The following RYR2 variants were observed in gnomAD, a reference collection of about 807,000 sequenced individuals.
RYR2 encodes cardiac muscle ryanodine receptor-calcium release channel.
A neutral mutation model predicts 601.1 loss-of-function variants in RYR2; 227 were observed. The ratio of observed to expected loss-of-function variants is 0.38; its 90% CI spans 0.34 to 0.42. The LOEUF (loss-of-function observed/expected upper bound fraction) is 0.42. Ranked by LOEUF, RYR2 falls within the 10% of genes least tolerant of loss-of-function variation. The pLI, the probability that RYR2 is intolerant of heterozygous loss-of-function variation, is 1.00. For missense variants in RYR2, 4,646 were observed against 6,156.5 expected (o/e 0.75, Z 8.21); for synonymous variants, 2,223 against 2,175.1 (o/e 1.02, Z -0.61).
intron 3 of RYR2, among the ~76,000 whole-genome samples, chr1:237,344,983 G>A (rs1010316228): frequency 6.6e-6 from 1 of 151,906 alleles, no homozygotes; most frequent in African/African-American, 2.4e-5. Context: ...GCTAATTTTT[G>A]TATTTTTAGT....
chr1:237,803,462 G>A (rs1464557864), intron 98 of RYR2, among the ~76,000 whole-genome samples: 8 of 151,956 alleles, frequency 5.3e-5, no homozygotes, highest in Admixed American at 1.3e-4. Flanking sequence ...CACCACGCCC[G>A]GCTAATTTTT....
intron 74 of RYR2, among the ~76,000 whole-genome samples, chr1:237,725,521 T>C (rs1690120020): frequency 6.6e-6 from 1 of 152,122 alleles, no homozygotes; most frequent in South Asian, 2.1e-4. Flanking sequence ...GTTGTATATC[T>C]GGTAAGTTTT....
chr1:237,731,352 G>A lies in RYR2; in HGVS notation c.10936-694G>A, dbSNP rs189019456. Among the ~76,000 whole-genome samples, 459 of 151,654 alleles carry A rather than the reference G, an allele frequency of 3.0e-3. 1 individual carries two copies. Among genetic ancestry groups the A allele is most frequent in the Non-Finnish European group, 4.9e-3 (333 of 67,928 alleles). ...TTTCCTCGCTATTAAAGTTCTATCC[G>A]ATAGTAAAAAAAAAATATTTTTTAA... On this transcript the variant is annotated intron_variant, in intron 77 of 104. Transcript: ENST00000366574.
Position 237,784,804 on chromosome 1 carries a change from C to T in RYR2, c.13092C>T (p.Thr4364=), listed in dbSNP as rs770232323. Residue 4364 remains threonine (T), a synonymous_variant, in exon 90 of 105, where the codon ACC becomes ACT. Coordinates refer to ENST00000366574, the MANE Select transcript of RYR2 (RefSeq NM_001035.3). The surrounding 1 kb of genome is among the most constrained non-coding windows in gnomAD (Gnocchi z 7.1). ...LEAALPSEDL[T]DLKELTEESD... ...CCGCCCTGCCCTCCGAGGATCTGAC[C>T]GACTTAAAGGAGCTGACAGAGGAAA... 3.1e-6 allele frequency: 5 copies of T among 1,611,676 alleles called. No individual in the cohort carries two copies. Among genetic ancestry groups the T allele is most frequent in the East Asian group, 4.5e-5 (2 of 44,828 alleles).
chr1:237,163,280 A>G (rs1030814656), intron 1 of RYR2, among the ~76,000 whole-genome samples: 1 of 152,000 alleles, frequency 6.6e-6, no homozygotes, highest in Non-Finnish European at 1.5e-5. Flanking sequence ...CCACATTCCC[A>G]TCAATAGCAT....
intron 3 of RYR2, among the ~76,000 whole-genome samples, chr1:237,340,004 A>T (rs1697619183): frequency 6.6e-6 from 1 of 152,172 alleles, no homozygotes; most frequent in African/African-American, 2.4e-5. Context: ...TTGAAGAACT[A>T]GGTTCTTTTA....
rs1705090135 is a variant in RYR2 at position 237,417,165 on chromosome 1, C to A, written c.848+42C>A. 3 of 1,457,482 alleles carry A rather than the reference C, an allele frequency of 2.1e-6. No individual in the cohort carries two copies. In the East Asian group the frequency reaches 6.8e-5, roughly 33 times the overall value. The allele number at this position is 1,457,482 out of a possible 1,614,324, so 90.3% of individuals were successfully genotyped here. Reference sequence around the variant, plus strand: ...AACACAGCCTAATGCACCAAGTGTACCAAATAGCTCAGCGTTGTGCTTCTG... The same window carrying A: ...AACACAGCCTAATGCACCAAGTGTAACAAATAGCTCAGCGTTGTGCTTCTG... On this transcript the variant is annotated intron_variant, in intron 11 of 104. Coordinates refer to ENST00000366574, the MANE Select transcript of RYR2 (RefSeq NM_001035.3).
At chr1:237,227,554 GC>G (rs1424104268) in intron 1 of RYR2, among the ~76,000 whole-genome samples, 1 of 152,180 alleles carries the variant, frequency 6.6e-6, no homozygotes, top group African/African-American at 2.4e-5. Context: ...CTTGGCCAGG[GC>G]TAGTGTCTGG....
intron 2 of RYR2, among the ~76,000 whole-genome samples, chr1:237,271,725 C>T (rs1038258664): frequency 7.9e-5 from 12 of 152,132 alleles, no homozygotes; most frequent in East Asian, 3.8e-4. Flanking sequence ...GTTATTCCTA[C>T]GTATGGTGTC....
chr1:237,640,839 A>C (rs1681390307), intron 46 of RYR2, 58 bp from the exon 47 acceptor site: 9 of 1,359,262 alleles, frequency 6.6e-6, no homozygotes, highest in Non-Finnish European at 9.3e-6. Context: ...ATATGTAATA[A>C]ACATGAAATG....
rs1664004488 is a variant in RYR2 at position 237,833,233 on chromosome 1, T to G, written c.*586T>G. On this transcript the variant is annotated 3_prime_UTR_variant, in exon 105 of 105. Coordinates refer to ENST00000366574, the MANE Select transcript of RYR2 (RefSeq NM_001035.3). ...GTGAGGTTTTTTTTTTTTCCTTTAGTCTTTTCTTTAGTGGGGGAGGGTAAG... is the reference window on the plus strand; with the variant it reads ...GTGAGGTTTTTTTTTTTTCCTTTAGGCTTTTCTTTAGTGGGGGAGGGTAAG... 1 of 150,288 alleles carries G rather than the reference T, an allele frequency of 6.7e-6. No individual in the cohort carries two copies. Among genetic ancestry groups the G allele is most frequent in the Non-Finnish European group, 1.5e-5 (1 of 67,548 alleles). The allele number at this position is 150,288 out of a possible 1,614,324, so 9.3% of individuals were successfully genotyped here.
intron 1 of RYR2, among the ~76,000 whole-genome samples, chr1:237,157,399 A>G (rs1249302254): frequency 6.6e-6 from 1 of 152,102 alleles, no homozygotes; most frequent in Non-Finnish European, 1.5e-5. Flanking sequence ...AATATCCAAA[A>G]CAACAGCAAT....
chr1:237,526,095 T>C (rs1042334518), intron 24 of RYR2, among the ~76,000 whole-genome samples: 11 of 152,170 alleles, frequency 7.2e-5, no homozygotes, highest in African/African-American at 2.7e-4. Context: ...GAAATATTCA[T>C]GCTGTTTCCC....
At chr1:237,678,205 T>A (rs994013846) in intron 61 of RYR2, 93 bp downstream of exon 61, 56 of 693,936 alleles carry the variant, frequency 8.1e-5, no homozygotes, top group Non-Finnish European at 1.4e-4. Context: ...CATACTTGTC[T>A]ACAAATGTGT....
rs567804333 is a variant in RYR2, at chr1:237,717,384, A to T, written c.10494+16A>T. On this transcript the variant is annotated intron_variant, in intron 72 of 104. Coordinates refer to ENST00000366574, the MANE Select transcript of RYR2 (RefSeq NM_001035.3). ...ATTTAGCCTGGTAAGTCTCCTTTTC[A>T]TCCCAGCGGTAATGATCATCTGACC... The T allele has an allele frequency of 2.5e-6, 4 of 1,581,116 alleles. No homozygotes were observed. The South Asian group carries it at 3.5e-5, about 14-fold the overall frequency.
At chr1:237,401,702 C>T (rs1019169900) in intron 10 of RYR2, among the ~76,000 whole-genome samples, 1 of 152,138 alleles carries the variant, frequency 6.6e-6, no homozygotes, top group Non-Finnish European at 1.5e-5. Flanking sequence ...ATGATGCATT[C>T]GATCATAGGC....
chr1:237,334,556 A>G (rs1697071362), intron 3 of RYR2, among the ~76,000 whole-genome samples: 2 of 152,096 alleles, frequency 1.3e-5, no homozygotes, highest in Admixed American at 1.3e-4. Flanking sequence ...TAAATAGGCC[A>G]AGACCTGTCT....
intron 78 of RYR2, among the ~76,000 whole-genome samples, chr1:237,733,120 G>A (rs1690835111): frequency 6.6e-6 from 1 of 152,140 alleles, no homozygotes; most frequent in Non-Finnish European, 1.5e-5. Context: ...TTTCTCATAA[G>A]TGAATTTTTC....
Position 237,511,250 on chromosome 1 carries a change from T to C in RYR2, c.2719-438T>C, listed in dbSNP as rs572318842. 1.7e-3 allele frequency among the ~76,000 whole-genome samples: 213 copies of C among 128,342 alleles called. 2 individuals carry two copies. Among genetic ancestry groups the C allele is most frequent in the African/African-American group, 6.1e-3 (202 of 33,266 alleles). The allele number at this position is 128,342 out of a possible 152,430, so 84.2% of individuals were successfully genotyped here. ...TCTTCTAATTCACGGAGACAGACAA[T>C]AGCCCAATAACTCAATAAATCCAAT... On this transcript the variant is annotated intron_variant, in intron 23 of 104. Coordinates refer to ENST00000366574, the MANE Select transcript of RYR2 (RefSeq NM_001035.3).
Sources: gnomAD v4.1 joint callset for allele counts (sites outside exome capture counted in the v4.1 genomes callset) on GRCh38, gnomAD v4.1.1 for gene constraint, Gnocchi (gnomAD v3.1) non-coding constraint, MANE v1.5 for transcripts, NCBI Gene and HGNC (gene_info 2026-07-23, HGNC 2026-07-21) for gene names.